Variants in ATG16L2 observed in about 807,000 individuals in gnomAD.
ATG16L2 encodes the protein autophagy related 16 like 2, also known as protein Atg16l2.
A neutral mutation model predicts 84.7 loss-of-function variants in ATG16L2; 77 were observed. The observed-to-expected ratio is 0.91, with a 90% CI of 0.76 to 1.10. The LOEUF is 1.10. Among genes scored for constraint, ATG16L2 ranks in the 50% least tolerant of loss-of-function variants. The pLI, the probability that ATG16L2 is intolerant of heterozygous loss-of-function variation, is 0.00. For missense variants in ATG16L2, 782 were observed against 817.6 expected (o/e 0.96, Z 0.53); for synonymous variants, 361 against 342.8 (o/e 1.05, Z -0.59).
rs1860711753 is a variant in ATG16L2, at chr11:72,835,739, T to C, written c.*22-6878T>C. ...TTAGGAATCTACCCAACATTTATACTGGAACATATTTTTTTTTTTTTTTTT... is the reference window on the plus strand; with the variant it reads ...TTAGGAATCTACCCAACATTTATACCGGAACATATTTTTTTTTTTTTTTTT... On this transcript the variant is annotated intron_variant, in intron 5 of 5. Transcript: ENST00000534905. 5.3e-5 allele frequency among the ~76,000 whole-genome samples: 8 copies of C among 151,998 alleles called. No homozygotes were observed. The South Asian group carries it at 1.7e-3, about 31-fold the overall frequency.
rs781745820 is a variant in ATG16L2 at position 72,822,352 on chromosome 11, T to A, written c.644+57T>A. The A allele has an allele frequency of 1.6e-5, 25 of 1,544,670 alleles. No individual in the cohort carries two copies. The African/African-American group carries it at 3.2e-4, about 20-fold the overall frequency. On this transcript the variant is annotated intron_variant, in intron 5 of 17. Coordinates refer to ENST00000321297, the MANE Select transcript of ATG16L2 (RefSeq NM_033388.2). The surrounding 1 kb of genome is among the most constrained non-coding windows in gnomAD (Gnocchi z 4.2). The stretch of plus-strand genomic sequence containing the variant: ...AAGGCCCCGCCCCTGCAGGGAGGAG[T>A]CGGGCCTCGCCGGTGTCTGGAAGGG...
At chr11:72,824,954 C>T (rs1026399869) in intron 9 of ATG16L2, 112 bp downstream of exon 9, 2 of 864,302 alleles carry the variant, frequency 2.3e-6, no homozygotes, top group South Asian at 1.8e-5. Flanking sequence ...AGGCTGGGCT[C>T]CTCAGCAGGA....
At chr11:72,824,271 G>C (rs1860199743) in intron 8 of ATG16L2, 149 bp downstream of exon 8, 1 of 923,692 alleles carries the variant, frequency 1.1e-6, no homozygotes, top group Non-Finnish European at 1.7e-6. Context: ...CAGGAGCCAG[G>C]TGAATGGCCT....
At chr11:72,824,580 G>A (rs1306244545) in intron 8 of ATG16L2, 154 bp from the exon 9 acceptor site, 3 of 660,912 alleles carry the variant, frequency 4.5e-6, no homozygotes, top group Non-Finnish European at 8.2e-6. Flanking sequence ...CTGGGGTCGA[G>A]GCTGGGTTGG....
chr11:72,825,390 T>A lies in ATG16L2; in HGVS notation c.1085T>A (p.Leu362His). 6.2e-7 allele frequency: 1 copy of A among 1,612,360 alleles called. No individual in the cohort carries two copies. ...ATGGADRLIH[L>H]WNVVGSRLEA... ...GGAGGGGCTGACCGCCTGATCCACCTCTGGAATGTTGTGGGAAGTAAGGAG... is the reference window on the plus strand; with the variant it reads ...GGAGGGGCTGACCGCCTGATCCACCACTGGAATGTTGTGGGAAGTAAGGAG... The change falls in exon 10 of 18, where the codon CTC (leucine) becomes CAC (histidine). Residue 362 changes from leucine to histidine, a missense_variant. Leu to His is a moderately conservative substitution (Grantham distance 99). Coordinates refer to ENST00000321297, the MANE Select transcript of ATG16L2 (RefSeq NM_033388.2).
chr11:72,827,153 C>T, intron 13 of ATG16L2, 35 bp from the exon 14 acceptor site: 1 of 1,561,514 alleles, frequency 6.4e-7, no homozygotes, highest in South Asian at 1.1e-5. Context: ...GACAACCCTC[C>T]TCTGAGGCCC....
chr11:72,833,502 T>G (rs975913644), downstream of ATG16L2, among the ~76,000 whole-genome samples: 2 of 152,198 alleles, frequency 1.3e-5, no homozygotes, highest in Non-Finnish European at 2.9e-5. Flanking sequence ...GGAATACATT[T>G]CCTTTGGCTG....
chr11:72,816,944 G>T (rs1859731118), intron 2 of ATG16L2, 117 bp downstream of exon 2: 1 of 662,656 alleles, frequency 1.5e-6, no homozygotes, highest in Non-Finnish European at 2.6e-6. Flanking sequence ...CTGCTGCCCA[G>T]GGGTGGTGGG....
chr11:72,843,613 G>T, exon 6 of ATG16L2: 1 of 862,100 alleles, frequency 1.2e-6, no homozygotes, highest in Non-Finnish European at 1.9e-6. Flanking sequence ...AAAAACTGGG[G>T]ATCAAAATAT....
intron 1 of ATG16L2, 137 bp from the exon 2 acceptor site, chr11:72,816,591 G>C (rs1859710645): frequency 1.4e-6 from 1 of 690,288 alleles, no homozygotes; most frequent in East Asian, 2.7e-5. Context: ...GCACAGGGCA[G>C]AGGCCAGCCT....
At chr11:72,832,503 T>C (rs1049620533), downstream of ATG16L2, among the ~76,000 whole-genome samples, 1 of 152,156 alleles carries the variant, frequency 6.6e-6, no homozygotes, top group African/African-American at 2.4e-5. Context: ...CAGAGGGGCA[T>C]GTCAGCGGGA....
Position 72,822,260 on chromosome 11 carries a change from G to C in ATG16L2, c.609G>C (p.Ala203=), listed in dbSNP as rs1297053893. 1 of 1,500,572 alleles carries C rather than the reference G, an allele frequency of 6.7e-7. No individual in the cohort carries two copies. Among genetic ancestry groups the C allele is most frequent in the Non-Finnish European group, 8.8e-7 (1 of 1,135,276 alleles). The allele number at this position is 1,500,572 out of a possible 1,614,324, so 93.0% of individuals were successfully genotyped here. The change falls in exon 5 of 18, where the codon GCG becomes GCC. Residue 203 remains alanine, a synonymous_variant. Coordinates refer to ENST00000321297, the MANE Select transcript of ATG16L2 (RefSeq NM_033388.2). This position sits in a 1 kb window ranked among gnomAD's most constrained non-coding sequence, Gnocchi z 4.2. ...TCGTGCAGCGCAAGGCGCGCGCCGC[G>C]GCCGAGCGCAACCTGCGCAACGAGC... ...ERLVQRKARA[A]AERNLRNERR...
chr11:72,816,213 C>G (rs2135068833), intron 1 of ATG16L2: 1 of 153,336 alleles, frequency 6.5e-6, no homozygotes, highest in South Asian at 1.9e-4. Context: ...ATCTCCTGAC[C>G]TCGTGATCCG....
intron 3 of ATG16L2, chr11:72,821,408 T>TAG (rs1404352436): frequency 3.9e-6 from 5 of 1,284,590 alleles, no homozygotes; most frequent in Non-Finnish European, 5.0e-6. Context: ...GCCAGAGAGG[T>TAG]TCCTAGTAGG....
At chr11:72,834,369 A>G (rs1860671543), downstream of ATG16L2, among the ~76,000 whole-genome samples, 1 of 152,196 alleles carries the variant, frequency 6.6e-6, no homozygotes, top group Admixed American at 6.5e-5. Flanking sequence ...TGCAGTTGCA[A>G]TCTAGAGGAT....
downstream of ATG16L2, among the ~76,000 whole-genome samples, chr11:72,831,807 G>A (rs1860613387): frequency 6.6e-6 from 1 of 152,198 alleles, no homozygotes; most frequent in South Asian, 2.1e-4. Flanking sequence ...TTGCCATGTA[G>A]CTACCATGTT....
chr11:72,842,367 T>C (rs369303085), intron 5 of ATG16L2, among the ~76,000 whole-genome samples: 7 of 152,234 alleles, frequency 4.6e-5, no homozygotes, highest in South Asian at 2.1e-4. Flanking sequence ...TCACATATAA[T>C]TTGGCATTTT....
At position 72,816,734 on chromosome 11, in the gene ATG16L2, A is replaced by C; in HGVS notation, c.125A>C (p.His42Pro). Residue 42 changes from histidine to proline, a missense_variant, in exon 2 of 18, where the codon CAT becomes CCT. Transcript: ENST00000321297. ...ACTCTCTTGCACTCTCCAGATAACC[A>C]TCTCTTAGAGAAGGCTGAGCTGCTG... is the stretch of plus-strand genomic sequence containing the variant. The part of the protein sequence containing the change: ...LFLELVPAYN[H>P]LLEKAELLDK... 1 of 1,613,982 alleles carries C rather than the reference A, an allele frequency of 6.2e-7. No individual in the cohort carries two copies. Among genetic ancestry groups the C allele is most frequent in the Non-Finnish European group, 8.5e-7 (1 of 1,179,900 alleles).
rs373191976 is a variant in ATG16L2 at position 72,826,589 on chromosome 11, G to C, written c.1245G>C (p.Lys415Asn). 6.2e-6 allele frequency: 10 copies of C among 1,614,212 alleles called. No individual in the cohort carries two copies. The East Asian group carries it at 2.2e-4, about 36-fold the overall frequency. ...QLWKVGEAQS[K>N]ETLSGHKDKV... ...GGAAGGTGGGGGAGGCACAGTCCAA[G>C]GTGAGGCCTGACTGGGGAGGCTGCC... The change falls in exon 12 of 18, where the codon AAG (lysine) becomes AAC (asparagine). Residue 415 changes from lysine (K) to asparagine (N), a missense_variant and splice_region_variant. By Grantham distance (94) the Lys-to-Asn change is moderately conservative (BLOSUM62 0). Transcript: ENST00000321297.
Sources: allele counts gnomAD v4.1 joint callset (sites outside exome capture counted in the v4.1 genomes callset), GRCh38; gene constraint gnomAD v4.1.1; non-coding constraint Gnocchi (gnomAD v3.1); transcripts MANE v1.5; gene names NCBI Gene and HGNC (gene_info 2026-07-23, HGNC 2026-07-21).